SETBP1: variants seen among roughly 807,000 people sequenced by gnomAD.
SETBP1 encodes the protein SET-binding protein.
A neutral mutation model predicts 101.0 loss-of-function variants in SETBP1; 9 were observed. The observed-to-expected ratio is 0.09, with a 90% CI of 0.05 to 0.16. The LOEUF (loss-of-function observed/expected upper bound fraction) is 0.16. Ranked by LOEUF, SETBP1 falls within the 10% of genes least tolerant of loss-of-function variation. The probability of loss-of-function intolerance (pLI) is 1.00; values close to 1 mark genes in which losing one functional copy is unlikely to be tolerated. For synonymous variants in SETBP1, 818 were observed against 788.5 expected, an observed-to-expected ratio of 1.04 and a Z score of -0.63; for missense variants, 1,858 against 2,033.8, an observed-to-expected ratio of 0.91 and a Z score of 1.66.
intron 4 of SETBP1, among the ~76,000 whole-genome samples, chr18:45,036,808 C>T (rs966837974): frequency 2.0e-5 from 3 of 152,212 alleles, no homozygotes; most frequent in African/African-American, 7.2e-5. Context: ...TCATCCTTAG[C>T]ATGAAACATG....
At chr18:44,911,338 A>G (rs940463085) in intron 3 of SETBP1, among the ~76,000 whole-genome samples, 45 of 152,214 alleles carry the variant, frequency 3.0e-4, no homozygotes, top group Non-Finnish European at 5.6e-4. Flanking sequence ...GTTTGTCATT[A>G]CTTTTCGTTG....
rs189535507 is a variant in SETBP1, at chr18:44,826,999, A to G, written c.487-42231A>G. The stretch of plus-strand genomic sequence containing the variant: ...ATATCCAATGCAGGCTAAGAATGCC[A>G]TGGGAGAGCTTCTCTCCCTCACTTG... On this transcript the variant is annotated intron_variant, in intron 2 of 5. Coordinates refer to ENST00000649279, the MANE Select transcript of SETBP1 (RefSeq NM_015559.3). 1.3e-3 allele frequency among the ~76,000 whole-genome samples: 194 copies of G among 152,348 alleles called. 2 individuals are homozygous for G. The highest frequency in any genetic ancestry group is 1.2e-3 in the East Asian group (6 of 5,180).
At chr18:44,787,447 G>T (rs1372938514) in intron 2 of SETBP1, among the ~76,000 whole-genome samples, 1 of 152,110 alleles carries the variant, frequency 6.6e-6, no homozygotes, top group African/African-American at 2.4e-5. Flanking sequence ...ATGGGAGCAG[G>T]CGCTCTTCAT....
intron 2 of SETBP1, among the ~76,000 whole-genome samples, chr18:44,862,501 C>T (rs2069036723): frequency 6.6e-6 from 1 of 152,194 alleles, no homozygotes. Context: ...GCGGTCTCTA[C>T]ACTACCCGTC....
intron 2 of SETBP1, among the ~76,000 whole-genome samples, chr18:44,716,080 T>C (rs1017886442): frequency 3.3e-5 from 5 of 152,230 alleles, no homozygotes; most frequent in African/African-American, 1.2e-4. Context: ...AGAAGATTTT[T>C]TTTTAAATAC....
chr18:44,757,521 G>A (rs1272516229), intron 2 of SETBP1, among the ~76,000 whole-genome samples: 2 of 152,112 alleles, frequency 1.3e-5, no homozygotes, highest in East Asian at 3.8e-4. Flanking sequence ...TCCCCGGCCA[G>A]CCTCCACTAC....
intron 3 of SETBP1, among the ~76,000 whole-genome samples, chr18:44,883,708 T>C (rs2069581135): frequency 6.6e-6 from 1 of 152,178 alleles, no homozygotes; most frequent in Admixed American, 6.5e-5. Flanking sequence ...GCACTAGAAA[T>C]GTGAAATAGG....
intron 4 of SETBP1, among the ~76,000 whole-genome samples, chr18:44,963,899 CAAAAAAAAAAA>C (rs59077847): frequency 2.4e-5 from 1 of 41,620 alleles, no homozygotes; most frequent in African/African-American, 1.1e-4. Context: ...GACCCCATCT[CAAAAAAAAAAA>C]AAAAAAAAAA....
chr18:44,957,731 T>C (rs2071520620), intron 4 of SETBP1, among the ~76,000 whole-genome samples: 1 of 151,978 alleles, frequency 6.6e-6, no homozygotes, highest in Non-Finnish European at 1.5e-5. Context: ...CTCCAAGCAG[T>C]CACCCAGATG....
In SETBP1 at chr18:45,064,728, C is replaced by G. The variant is rs946094957; in HGVS notation, c.*1030C>G. On this transcript the variant is annotated 3_prime_UTR_variant, in exon 6 of 6. Coordinates refer to ENST00000649279, the MANE Select transcript of SETBP1 (RefSeq NM_015559.3). ...TGACAAACCACCAAAAACTGAAACC[C>G]CAGACCCACCAGAAAGACAAGTGTC... 6.6e-6 allele frequency: 1 copy of G among 151,360 alleles called. No homozygotes were observed. Among genetic ancestry groups the G allele is most frequent in the African/African-American group, 2.4e-5 (1 of 41,124 alleles). 9.4% of individuals were successfully genotyped at this position (151,360 alleles called of 1,614,324 possible).
chr18:44,877,904 G>C lies in SETBP1; in HGVS notation c.540+8621G>C, dbSNP rs190880874. ...TGGGATACTAAATCTCTAGACCTCA[G>C]TGAATATTTTGTTTTTTAATTCCAA... is the stretch of plus-strand genomic sequence containing the variant. On this transcript the variant is annotated intron_variant, in intron 3 of 5. Transcript: ENST00000649279. Among the ~76,000 whole-genome samples, 13 of 152,264 alleles carry C rather than the reference G, an allele frequency of 8.5e-5. No homozygotes were observed. In the East Asian group the frequency reaches 2.5e-3, roughly 29 times the overall value.
Position 44,744,502 on chromosome 18 carries a change from C to G in SETBP1, c.486+42670C>G, listed in dbSNP as rs200533142. On this transcript the variant is annotated intron_variant, in intron 2 of 5. Transcript: ENST00000649279. ...TTGCATGTGTGTGCGCCCTACTGTA[C>G]GCGCCCAAGAGCCAGTGGGAAATGC... is the stretch of plus-strand genomic sequence containing the variant. Among the ~76,000 whole-genome samples, 6 of 152,372 alleles carry G rather than the reference C, an allele frequency of 3.9e-5. No individual in the cohort carries two copies. The East Asian group carries it at 9.7e-4, about 25-fold the overall frequency.
At chr18:44,829,900 A>C (rs1182599846) in intron 2 of SETBP1, among the ~76,000 whole-genome samples, 1 of 152,140 alleles carries the variant, frequency 6.6e-6, no homozygotes, top group African/African-American at 2.4e-5. Flanking sequence ...TGTCAGGGGG[A>C]AAATGAGACT....
chr18:44,842,774 G>A (rs2072644485), intron 2 of SETBP1, among the ~76,000 whole-genome samples: 1 of 152,236 alleles, frequency 6.6e-6, no homozygotes, highest in African/African-American at 2.4e-5. Flanking sequence ...AGTTTTGTGG[G>A]TGGACTTCCA....
intron 3 of SETBP1, among the ~76,000 whole-genome samples, chr18:44,917,511 A>G (rs2070459780): frequency 6.6e-6 from 1 of 152,186 alleles, no homozygotes; most frequent in South Asian, 2.1e-4. Context: ...AGTTATATCT[A>G]AATGCCCGAC....
Position 44,948,403 on chromosome 18 carries a change from A to T in SETBP1, c.541-1478A>T, listed in dbSNP as rs78477763. On this transcript the variant is annotated intron_variant, in intron 3 of 5. Coordinates refer to ENST00000649279, the MANE Select transcript of SETBP1 (RefSeq NM_015559.3). The stretch of plus-strand genomic sequence containing the variant: ...AATGCTTTATGCCATCTGTGTTTTG[A>T]CTCTTAACAGGGGCTGTAAGACATG... Among the ~76,000 whole-genome samples the T allele has an allele frequency of 2.5e-3, 383 of 152,110 alleles. 4 individuals carry two copies. In the East Asian group the frequency reaches 0.033, roughly 13 times the overall value.
intron 2 of SETBP1, among the ~76,000 whole-genome samples, chr18:44,745,213 A>G (rs1237908279): frequency 6.6e-6 from 1 of 152,240 alleles, no homozygotes; most frequent in African/African-American, 2.4e-5. Flanking sequence ...AGGTAGATTT[A>G]TAATCATTCG....
chr18:44,875,376 G>T (rs1454752330), intron 3 of SETBP1, among the ~76,000 whole-genome samples: 1 of 151,816 alleles, frequency 6.6e-6, no homozygotes, highest in Non-Finnish European at 1.5e-5. Context: ...AAACTAGCTG[G>T]GCGTGGTGCT....
At chr18:44,918,723 A>C (rs1189041821) in intron 3 of SETBP1, among the ~76,000 whole-genome samples, 1 of 152,228 alleles carries the variant, frequency 6.6e-6, no homozygotes, top group Non-Finnish European at 1.5e-5. Context: ...AATGTTTACA[A>C]AAGAAGATGT....
Sources: allele counts gnomAD v4.1 joint callset (sites outside exome capture counted in the v4.1 genomes callset), GRCh38; gene constraint gnomAD v4.1.1; transcripts MANE v1.5; gene names NCBI Gene and HGNC (gene_info 2026-07-23, HGNC 2026-07-21).